The following MARCO variants were observed in gnomAD, a reference collection of about 807,000 sequenced individuals.
MARCO encodes the protein macrophage receptor with collagenous structure.
MARCO carries 72 observed loss-of-function variants against 70.0 expected under a neutral mutation model. The ratio of observed to expected loss-of-function variants is 1.03; its 90% CI spans 0.85 to 1.25. The LOEUF (loss-of-function observed/expected upper bound fraction) is 1.25. Among genes scored for constraint, MARCO ranks in the 50% most tolerant of loss-of-function variants. The probability of loss-of-function intolerance (pLI) is 0.00; values close to 1 mark genes in which losing one functional copy is unlikely to be tolerated. For synonymous variants in MARCO, 273 were observed against 243.1 expected (o/e 1.12, Z -1.14); for missense variants, 696 against 659.3 (o/e 1.06, Z -0.61).
At chr2:118,972,741 G>A (rs1330270698) in intron 4 of MARCO, among the ~76,000 whole-genome samples, 2 of 152,216 alleles carry the variant, frequency 1.3e-5, no homozygotes, top group Non-Finnish European at 2.9e-5. Flanking sequence ...GCTGCTAGGA[G>A]AGCCTCCAGC....
At chr2:118,992,913 G>A (rs1680649248) in intron 15 of MARCO, 1 of 537,462 alleles carries the variant, frequency 1.9e-6, no homozygotes, top group South Asian at 3.1e-5. Context: ...CTGCCCCTGT[G>A]GCCTTGTGCC....
chr2:118,947,953 C>A (rs1573372634), intron 1 of MARCO, among the ~76,000 whole-genome samples: 1 of 152,190 alleles, frequency 6.6e-6, no homozygotes, highest in South Asian at 2.1e-4. Flanking sequence ...TTATTGCAGA[C>A]TTACAATCCA....
intron 1 of MARCO, among the ~76,000 whole-genome samples, chr2:118,946,339 A>C (rs1379477746): frequency 1.3e-5 from 2 of 152,264 alleles, no homozygotes; most frequent in East Asian, 1.9e-4. Flanking sequence ...CCCCACCAGC[A>C]GTCATCAACC....
At position 118,991,774 on chromosome 2, in the gene MARCO, C is replaced by T. The variant is rs867023172; in HGVS notation, c.1109-3C>T. 1 of 1,567,052 alleles carries T rather than the reference C, an allele frequency of 6.4e-7. No homozygotes were observed. Among genetic ancestry groups the T allele is most frequent in the East Asian group, 2.3e-5 (1 of 43,796 alleles). On this transcript the variant is annotated splice_polypyrimidine_tract_variant and splice_region_variant and intron_variant, in intron 13 of 16. Coordinates refer to ENST00000327097, the MANE Select transcript of MARCO (RefSeq NM_006770.4). ...CTGATCAGGGCAGTGTCTCTCCTTC[C>T]AGGCCCTGCAGGTGTGAAGGGAGAA...
At chr2:118,993,367 G>T in intron 16 of MARCO, 67 bp downstream of exon 16, 1 of 1,512,214 alleles carries the variant, frequency 6.6e-7, no homozygotes, top group Non-Finnish European at 9.1e-7. Context: ...TCGCTGGTGG[G>T]GTGTTGGCAA....
At chr2:118,954,737 A>C (rs1679795990) in intron 1 of MARCO, among the ~76,000 whole-genome samples, 1 of 152,192 alleles carries the variant, frequency 6.6e-6, no homozygotes, top group Non-Finnish European at 1.5e-5. Flanking sequence ...GGTTCACATG[A>C]GAGGACTTTG....
chr2:118,969,652 A>T (rs115430773), intron 2 of MARCO, among the ~76,000 whole-genome samples: 141 of 152,340 alleles, frequency 9.3e-4, no homozygotes, highest in African/African-American at 3.3e-3. Flanking sequence ...TTCCCAATCT[A>T]AAGGTTAAAG....
At chr2:118,978,058 A>T in intron 8 of MARCO, 123 bp downstream of exon 8, 1 of 598,662 alleles carries the variant, frequency 1.7e-6, no homozygotes, top group South Asian at 2.4e-5. Context: ...GTCTATGGGA[A>T]TCTCTGGAGC....
At chr2:118,960,926 T>A (rs1405990448) in intron 1 of MARCO, among the ~76,000 whole-genome samples, 1 of 152,090 alleles carries the variant, frequency 6.6e-6, no homozygotes, top group East Asian at 1.9e-4. Context: ...TGTGTGTTGT[T>A]CCCCTCCTTG....
intron 12 of MARCO, 21 bp from the exon 13 acceptor site, chr2:118,990,568 C>CTT: frequency 6.3e-7 from 1 of 1,583,650 alleles, no homozygotes; most frequent in African/African-American, 1.3e-5. Context: ...CTCCCCCCCC[C>CTT]CTTTTTTGTT....
chr2:118,990,252 T>G (rs1473741490), intron 12 of MARCO, among the ~76,000 whole-genome samples: 2 of 152,178 alleles, frequency 1.3e-5, no homozygotes, highest in Admixed American at 1.3e-4. Context: ...CTCCCAATTC[T>G]CTTCCAATAT....
intron 1 of MARCO, among the ~76,000 whole-genome samples, chr2:118,961,626 C>T (rs1245785290): frequency 6.6e-6 from 1 of 151,894 alleles, no homozygotes; most frequent in East Asian, 1.9e-4. Flanking sequence ...AGACCTTTGT[C>T]AGATGGATAG....
chr2:118,949,360 A>C (rs1679673673), intron 1 of MARCO: 1 of 152,024 alleles, frequency 6.6e-6, no homozygotes, highest in Non-Finnish European at 1.5e-5. Flanking sequence ...ACATCTTTAT[A>C]CCCTGTTTCA....
At chr2:118,976,866 G>A (rs1680293180) in intron 6 of MARCO, among the ~76,000 whole-genome samples, 1 of 152,198 alleles carries the variant, frequency 6.6e-6, no homozygotes, top group African/African-American at 2.4e-5. Flanking sequence ...GAAGAGAGCT[G>A]TCTTAGCCTG....
chr2:118,951,131 C>T (rs373943251), intron 1 of MARCO, among the ~76,000 whole-genome samples: 1 of 152,208 alleles, frequency 6.6e-6, no homozygotes, highest in Admixed American at 6.5e-5. Flanking sequence ...CCTAACTCTG[C>T]TTCTACAAGA....
At chr2:118,943,622 A>G (rs1679544011) in intron 1 of MARCO, among the ~76,000 whole-genome samples, 1 of 151,960 alleles carries the variant, frequency 6.6e-6, no homozygotes, top group South Asian at 2.1e-4. Context: ...AGAGCCCTGG[A>G]GGGCAGAGCT....
In MARCO at chr2:118,986,611, A is replaced by G. The variant is rs1400656428; in HGVS notation, c.1064-3978A>G. Among the ~76,000 whole-genome samples the G allele has an allele frequency of 1.0e-4, 2 of 19,876 alleles. 1 individual carries two copies. The highest frequency in any genetic ancestry group is 6.9e-4 in the African/African-American group (2 of 2,894). The allele number at this position is 19,876 out of a possible 152,430, so 13.0% of individuals were successfully genotyped here. ...GAAGAAAGAAAGAAAGAAAGAAAGA[A>G]AGAAAGAAAGAAAGAAAGAAAGAAA... On this transcript the variant is annotated intron_variant, in intron 12 of 16. Transcript: ENST00000327097.
intron 1 of MARCO, among the ~76,000 whole-genome samples, chr2:118,952,384 T>C (rs1240768806): frequency 6.6e-6 from 1 of 152,184 alleles, no homozygotes; most frequent in Non-Finnish European, 1.5e-5. Flanking sequence ...CTTTTAGTGT[T>C]GGCGTGCAGG....
intron 1 of MARCO, among the ~76,000 whole-genome samples, chr2:118,956,325 A>C (rs2104557795): frequency 6.6e-6 from 1 of 152,336 alleles, no homozygotes; most frequent in African/African-American, 2.4e-5. Context: ...GGACACCAAA[A>C]GTGAGCAGGG....
Sources: allele counts gnomAD v4.1 joint callset (sites outside exome capture counted in the v4.1 genomes callset), GRCh38; gene constraint gnomAD v4.1.1; transcripts MANE v1.5; gene names NCBI Gene and HGNC (gene_info 2026-07-23, HGNC 2026-07-21).